HDAC9: variants seen among roughly 807,000 people sequenced by gnomAD.
HDAC9 encodes the protein histone deacetylase 9, also known as MEF-2 interacting transcription repressor (MITR) protein.
HDAC9 carries 41 observed loss-of-function variants against 139.4 expected under a neutral mutation model. That is an observed-to-expected ratio of 0.29 (90% CI 0.23 to 0.38). The LOEUF (loss-of-function observed/expected upper bound fraction) is 0.38, where lower values mean the gene tolerates loss of function less well. HDAC9 is among the 10% of genes least tolerant of loss of function. The pLI is 1.00. For synonymous variants in HDAC9, 517 were observed against 476.2 expected (o/e 1.09, Z -1.12); for missense variants, 1,147 against 1,297.0 (o/e 0.88, Z 1.78).
At chr7:18,838,716 G>A (rs1160847102) in intron 21 of HDAC9, among the ~76,000 whole-genome samples, 1 of 151,946 alleles carries the variant, frequency 6.6e-6, no homozygotes, top group Admixed American at 6.6e-5. Context: ...TGGCATCTGT[G>A]TGTGGGTGCA....
chr7:18,495,894 T>C lies in HDAC9; in HGVS notation c.-171T>C. 1.7e-6 allele frequency: 2 copies of C among 1,168,674 alleles called. No homozygotes were observed. The highest frequency in any genetic ancestry group is 8.9e-5 in the Admixed American group (2 of 22,490). The allele number at this position is 1,168,674 out of a possible 1,614,324, so 72.4% of individuals were successfully genotyped here. On this transcript the variant is annotated 5_prime_UTR_variant, in exon 1 of 26. Coordinates refer to ENST00000686413, the MANE Select transcript of HDAC9 (RefSeq NM_178425.4). ...TTTTTCTCGTGGGTAGACTTAATAA[T>C]TTTCTACGTATTCTGACAAAGAAAT...
intron 1 of HDAC9, among the ~76,000 whole-genome samples, chr7:18,394,538 A>G (rs1269920150): frequency 3.3e-5 from 5 of 152,044 alleles, no homozygotes; most frequent in African/African-American, 1.2e-4. Flanking sequence ...CCTGTTTTGG[A>G]AATTCTGATT....
chr7:18,928,666 T>C (rs1389694398), intron 22 of HDAC9, among the ~76,000 whole-genome samples: 1 of 152,170 alleles, frequency 6.6e-6, no homozygotes, highest in Non-Finnish European at 1.5e-5. Context: ...GTATCCACTA[T>C]TTGATATTTG....
intron 2 of HDAC9, among the ~76,000 whole-genome samples, chr7:18,274,268 C>G (rs73682112): frequency 1.1e-3 from 171 of 152,262 alleles, no homozygotes; most frequent in African/African-American, 4.0e-3. Context: ...GCTCTCAATT[C>G]AAGTGGCTGG....
At chr7:18,517,604 T>C (rs1198583108) in intron 2 of HDAC9, 1 of 152,260 alleles carries the variant, frequency 6.6e-6, no homozygotes, top group Admixed American at 6.5e-5. Context: ...GTTATTCTCT[T>C]GTCAGTCACA....
At chr7:18,111,740 C>T (rs1049922763) in intron 1 of HDAC9, among the ~76,000 whole-genome samples, 3 of 152,078 alleles carry the variant, frequency 2.0e-5, no homozygotes, top group Non-Finnish European at 4.4e-5. Context: ...GATGTGGAAT[C>T]CATAGATACG....
intron 12 of HDAC9, among the ~76,000 whole-genome samples, chr7:18,685,317 C>T (rs1285579727): frequency 6.6e-6 from 1 of 152,040 alleles, no homozygotes; most frequent in Admixed American, 6.6e-5. Flanking sequence ...GCTTACCCAA[C>T]CAGTCTGGCC....
chr7:18,532,265 AAAAC>A (rs1043299568), intron 2 of HDAC9, among the ~76,000 whole-genome samples: 4 of 152,106 alleles, frequency 2.6e-5, no homozygotes, highest in African/African-American at 4.8e-5. Context: ...ACAAAAAACC[AAAAC>A]AAACAAACAA....
chr7:18,315,569 T>C (rs1373117950), intron 1 of HDAC9, among the ~76,000 whole-genome samples: 1 of 152,232 alleles, frequency 6.6e-6, no homozygotes, highest in Non-Finnish European at 1.5e-5. Flanking sequence ...GGCTTTAGGC[T>C]AGGATCAGAG....
intron 19 of HDAC9, among the ~76,000 whole-genome samples, chr7:18,832,466 T>C (rs1795922220): frequency 6.6e-6 from 1 of 152,224 alleles, no homozygotes; most frequent in Non-Finnish European, 1.5e-5. Context: ...ACAGCATCAA[T>C]GTTTGCAGTA....
At chr7:18,556,746 T>C (rs934231298) in intron 2 of HDAC9, among the ~76,000 whole-genome samples, 2 of 152,064 alleles carry the variant, frequency 1.3e-5, no homozygotes, top group Non-Finnish European at 2.9e-5. Context: ...TCCCCACACA[T>C]TTTCATGTGT....
intron 1 of HDAC9, among the ~76,000 whole-genome samples, chr7:18,114,996 TA>T (rs1783874580): frequency 1.3e-5 from 2 of 152,164 alleles, no homozygotes; most frequent in South Asian, 4.1e-4. Context: ...AGTATATTTC[TA>T]AAAAATTCAT....
chr7:18,920,382 G>T (rs1803588651), intron 22 of HDAC9, among the ~76,000 whole-genome samples: 1 of 152,078 alleles, frequency 6.6e-6, no homozygotes. Context: ...ATCAGCTTAA[G>T]GAGATTTTGG....
Position 18,833,204 on chromosome 7 carries a change from C to T in HDAC9, c.2467-2263C>T, listed in dbSNP as rs563744382. Among the ~76,000 whole-genome samples, 153 of 152,240 alleles carry T rather than the reference C, an allele frequency of 1.0e-3. 1 individual carries two copies. Among genetic ancestry groups the T allele is most frequent in the African/African-American group, 3.4e-3 (142 of 41,534 alleles). ...TTTAATAATAATGTCTGTTGAAAAT[C>T]TTATTATGCTGTGAACAGGATTTTA... is the stretch of plus-strand genomic sequence containing the variant. On this transcript the variant is annotated intron_variant, in intron 19 of 25. Transcript: ENST00000686413.
chr7:18,966,711 A>G (rs190183208), intron 24 of HDAC9, among the ~76,000 whole-genome samples: 1 of 119,260 alleles, frequency 8.4e-6, no homozygotes, highest in East Asian at 3.0e-4. Flanking sequence ...AAAAAAACAA[A>G]CAGACCAAAA....
intron 2 of HDAC9, among the ~76,000 whole-genome samples, chr7:18,216,119 TG>T (rs1386624261): frequency 4.0e-5 from 6 of 151,022 alleles, no homozygotes; most frequent in Admixed American, 3.3e-4. Context: ...TGTGTGTGTG[TG>T]TGTGTGTGTG....
intron 8 of HDAC9, among the ~76,000 whole-genome samples, chr7:18,635,313 G>T (rs1633787): frequency 0.12 from 17,593 of 151,904 alleles, 1,454 homozygotes; most frequent in East Asian, 0.33. Context: ...TGAAGGGTGT[G>T]AAGCTTCACT....
In HDAC9 at chr7:18,998,440, G is replaced by C. The variant is rs1167256193; in HGVS notation, c.*2378G>C. On this transcript the variant is annotated 3_prime_UTR_variant, in exon 26 of 26. Transcript: ENST00000686413. ...CTCCCATATGACACCATACCCAATT[G>C]GTTGCACTTAGAGTCTTTAAAATAC... 1 of 152,032 alleles carries C rather than the reference G, an allele frequency of 6.6e-6. No homozygotes were observed. The highest frequency in any genetic ancestry group is 6.5e-5 in the Admixed American group (1 of 15,272). 9.4% of individuals were successfully genotyped at this position (152,032 alleles called of 1,614,324 possible).
At chr7:18,895,235 A>G (rs1260020000) in intron 22 of HDAC9, among the ~76,000 whole-genome samples, 2 of 152,170 alleles carry the variant, frequency 1.3e-5, no homozygotes, top group African/African-American at 4.8e-5. Context: ...AGGCCCCGCT[A>G]GGCAGAGAGC....
Sources: allele counts gnomAD v4.1 joint callset (sites outside exome capture counted in the v4.1 genomes callset), GRCh38; gene constraint gnomAD v4.1.1; transcripts MANE v1.5; gene names NCBI Gene and HGNC (gene_info 2026-07-23, HGNC 2026-07-21).